MAGI2: variants seen among roughly 807,000 people sequenced by gnomAD.
The protein encoded by MAGI2 is membrane associated guanylate kinase, WW and PDZ domain containing 2.
In MAGI2, 35 loss-of-function variants were observed where a neutral mutation model predicts 133.3. The observed-to-expected ratio is 0.26, with a 90% CI of 0.20 to 0.35. The LOEUF is 0.35. Ranked by LOEUF, MAGI2 falls within the 10% of genes least tolerant of loss-of-function variation. MAGI2 has a pLI of 1.00. For synonymous variants in MAGI2, 729 were observed against 710.6 expected, an observed-to-expected ratio of 1.03 and a Z score of -0.41; for missense variants, 1,636 against 1,863.4, an observed-to-expected ratio of 0.88 and a Z score of 2.25.
intron 2 of MAGI2, among the ~76,000 whole-genome samples, chr7:78,746,451 T>G (rs1822935917): frequency 6.6e-6 from 1 of 152,166 alleles, no homozygotes. Flanking sequence ...TACAGGAGCT[T>G]ATAGGCCCTG....
chr7:78,065,172 G>T (rs1563073594), intron 21 of MAGI2, among the ~76,000 whole-genome samples: 1 of 152,128 alleles, frequency 6.6e-6, no homozygotes, highest in Non-Finnish European at 1.5e-5. Flanking sequence ...GGCAACTGTG[G>T]CTCTCTTTCT....
chr7:79,421,719 T>C (rs1468666968), intron 1 of MAGI2, among the ~76,000 whole-genome samples: 1 of 151,996 alleles, frequency 6.6e-6, no homozygotes, highest in Non-Finnish European at 1.5e-5. Flanking sequence ...CAGCCATTAC[T>C]CTGAAAAGAA....
intron 2 of MAGI2, among the ~76,000 whole-genome samples, chr7:78,680,679 A>G (rs984262359): frequency 1.3e-5 from 2 of 152,178 alleles, no homozygotes; most frequent in Admixed American, 6.6e-5. Flanking sequence ...TTTGTAACCT[A>G]TGCTGAGTTT....
intron 1 of MAGI2, among the ~76,000 whole-genome samples, chr7:79,026,417 AACTTTTT>A (rs756719272): frequency 5.9e-5 from 9 of 152,212 alleles, no homozygotes; most frequent in Non-Finnish European, 1.3e-4. Context: ...TAAGAACAAT[AACTTTTT>A]ATAAAAAATG....
intron 20 of MAGI2, among the ~76,000 whole-genome samples, chr7:78,115,447 A>G (rs551457687): frequency 6.6e-6 from 1 of 152,330 alleles, no homozygotes; most frequent in South Asian, 2.1e-4. Flanking sequence ...TAAAAAATCC[A>G]GGTTAATAGG....
intron 1 of MAGI2, among the ~76,000 whole-genome samples, chr7:79,447,627 T>C (rs1329216572): frequency 2.0e-5 from 3 of 151,922 alleles, no homozygotes; most frequent in African/African-American, 2.4e-5. Flanking sequence ...ATTTCTTTCA[T>C]ACAAAGTATG....
chr7:78,653,775 T>A (rs1411064004), intron 2 of MAGI2, among the ~76,000 whole-genome samples: 13 of 142,868 alleles, frequency 9.1e-5, no homozygotes, highest in African/African-American at 5.2e-5. Context: ...TGAAGTATGA[T>A]AAAAAAAAAA....
chr7:78,343,808 G>A lies in MAGI2; in HGVS notation c.1378C>T (p.Pro460Ser), dbSNP rs754338331. Residue 460 changes from proline to serine, a missense_variant, in exon 9 of 22, where the codon CCT (proline) becomes TCT (serine). By Grantham distance (74) the Pro-to-Ser change is moderately conservative. Transcript: ENST00000354212. ...LQVKSVIPDG[P>S]AAQDGKMETG... is the part of the protein sequence containing the mutation. Reference sequence around the variant, plus strand: ...TCCATTTTTCCATCCTGTGCTGCAGGCCCATCCGGAATCACACTTTTCACC... The same window carrying A: ...TCCATTTTTCCATCCTGTGCTGCAGACCCATCCGGAATCACACTTTTCACC... The A allele has an allele frequency of 3.1e-6, 5 of 1,606,582 alleles. No homozygotes were observed. The East Asian group carries it at 1.1e-4, about 36-fold the overall frequency.
chr7:78,503,467 C>T (rs1317134093), intron 4 of MAGI2, among the ~76,000 whole-genome samples: 2 of 151,454 alleles, frequency 1.3e-5, no homozygotes, highest in African/African-American at 4.9e-5. Context: ...AAGGCTTCCC[C>T]CATCCTGTTC....
chr7:79,411,046 A>T (rs1388041123), intron 1 of MAGI2: 2 of 152,132 alleles, frequency 1.3e-5, no homozygotes, highest in African/African-American at 4.8e-5. Flanking sequence ...AGGGGAAAGT[A>T]CTGAGTCTCA....
At chr7:79,012,635 A>G (rs972801153) in intron 1 of MAGI2, among the ~76,000 whole-genome samples, 4 of 152,166 alleles carry the variant, frequency 2.6e-5, no homozygotes, top group Non-Finnish European at 4.4e-5. Context: ...TAGAAAGAAC[A>G]CTAGGTTTTC....
intron 10 of MAGI2, among the ~76,000 whole-genome samples, chr7:78,226,533 TA>T (rs1292432002): frequency 6.6e-6 from 1 of 152,194 alleles, no homozygotes; most frequent in East Asian, 1.9e-4. Context: ...CTTTTTCAGT[TA>T]ATTCAGATAT....
intron 21 of MAGI2, among the ~76,000 whole-genome samples, chr7:78,047,417 C>T (rs934664297): frequency 4.6e-5 from 7 of 152,118 alleles, no homozygotes; most frequent in African/African-American, 9.7e-5. Context: ...TTTAGAAGGC[C>T]GCCGAGCCTT....
chr7:78,335,893 T>G (rs150253072), intron 9 of MAGI2, among the ~76,000 whole-genome samples: 24 of 152,302 alleles, frequency 1.6e-4, no homozygotes, highest in African/African-American at 5.8e-4. Context: ...CAAATTTCAC[T>G]AAAATTAGTG....
chr7:79,289,075 T>C (rs1836257680), intron 1 of MAGI2, among the ~76,000 whole-genome samples: 1 of 152,164 alleles, frequency 6.6e-6, no homozygotes, highest in Non-Finnish European at 1.5e-5. Flanking sequence ...CCTAGTGCAC[T>C]GTTTCTAAAC....
intron 1 of MAGI2, chr7:79,351,858 T>G (rs1258204070): frequency 6.6e-6 from 1 of 152,214 alleles, no homozygotes; most frequent in African/African-American, 2.4e-5. Context: ...TGGTGAGTGA[T>G]TAAAAATGTC....
chr7:78,393,873 C>T (rs914505261), intron 6 of MAGI2, among the ~76,000 whole-genome samples: 4 of 152,136 alleles, frequency 2.6e-5, no homozygotes, highest in African/African-American at 9.7e-5. Context: ...AATATAATGT[C>T]TGTAAGTGTG....
Position 78,872,429 on chromosome 7 carries a change from G to T in MAGI2, c.418+134661C>A, listed in dbSNP as rs551209187. ...ATAAGTTAAATAAGAAATTGTGAAA[G>T]ATACTAGAATTGCATTTGCTCAATT... On this transcript the variant is annotated intron_variant, in intron 2 of 21. Coordinates refer to ENST00000354212, the MANE Select transcript of MAGI2 (RefSeq NM_012301.4). 1.5e-4 allele frequency among the ~76,000 whole-genome samples: 23 copies of T among 152,160 alleles called. No homozygotes were observed. The South Asian group carries it at 4.8e-3, about 32-fold the overall frequency.
chr7:78,089,216 G>T (rs1563106737), intron 20 of MAGI2, among the ~76,000 whole-genome samples: 1 of 152,212 alleles, frequency 6.6e-6, no homozygotes, highest in Non-Finnish European at 1.5e-5. Flanking sequence ...CAGGAATAGA[G>T]AACTAATGTA....
Sources: gnomAD v4.1 joint callset for allele counts (sites outside exome capture counted in the v4.1 genomes callset) on GRCh38, gnomAD v4.1.1 for gene constraint, MANE v1.5 for transcripts, NCBI Gene and HGNC (gene_info 2026-07-23, HGNC 2026-07-21) for gene names.